Variants in KDM4A observed in about 807,000 individuals in gnomAD.
The protein encoded by KDM4A is lysine demethylase 4A, also known as lysine-specific demethylase 4A.
Under a neutral mutation model 127.1 loss-of-function variants are expected in KDM4A, and 23 were observed. That is an observed-to-expected ratio of 0.18 (90% CI 0.13 to 0.26). The LOEUF (loss-of-function observed/expected upper bound fraction) is 0.26, where lower values mean the gene tolerates loss of function less well. KDM4A is among the 10% of genes least tolerant of loss of function. The probability of loss-of-function intolerance (pLI) is 1.00; values close to 1 mark genes in which losing one functional copy is unlikely to be tolerated. For synonymous variants in KDM4A, 443 were observed against 466.5 expected (o/e 0.95, Z 0.65); for missense variants, 890 against 1,329.1 (o/e 0.67, Z 5.14).
At chr1:43,703,439 A>G in intron 19 of KDM4A, 178 bp from the exon 20 acceptor site, 1 of 601,660 alleles carries the variant, frequency 1.7e-6, no homozygotes, top group South Asian at 2.4e-5. Context: ...GAGGGCAGAG[A>G]TAGGGGCAGA....
At chr1:43,691,909 T>G (rs1661121249) in intron 15 of KDM4A, among the ~76,000 whole-genome samples, 1 of 152,238 alleles carries the variant, frequency 6.6e-6, no homozygotes, top group South Asian at 2.1e-4. Context: ...CTCTTCACTG[T>G]ACCCCCTGGA....
rs1161548613 is a variant in KDM4A, at chr1:43,666,627, G to T, written c.777+72G>T. 4.1e-6 allele frequency: 5 copies of T among 1,212,424 alleles called. No homozygotes were observed. In the African/African-American group the frequency reaches 6.0e-5, roughly 15 times the overall value. The allele number at this position is 1,212,424 out of a possible 1,614,324, so 75.1% of individuals were successfully genotyped here. A position where few individuals can be genotyped will look rare whatever the true frequency, so the allele number is the denominator to read the frequency against. The stretch of plus-strand genomic sequence containing the variant: ...GCCTTTGTTTTACAGTTTTATTCTA[G>T]TTCATCACTATACCAAGAGGGGGCC... On this transcript the variant is annotated intron_variant, in intron 7 of 21. Coordinates refer to ENST00000372396, the MANE Select transcript of KDM4A (RefSeq NM_014663.3).
At chr1:43,662,637 G>A (rs1416699553) in intron 4 of KDM4A, among the ~76,000 whole-genome samples, 1 of 152,262 alleles carries the variant, frequency 6.6e-6, no homozygotes, top group East Asian at 1.9e-4. Context: ...ACAGGTGACT[G>A]TCATCTCTTT....
At chr1:43,686,726 A>G (rs530954663) in intron 12 of KDM4A, among the ~76,000 whole-genome samples, 2 of 152,316 alleles carry the variant, frequency 1.3e-5, no homozygotes, top group East Asian at 1.9e-4. Flanking sequence ...GAACTCTAAT[A>G]TAAATCAAAC....
At chr1:43,678,334 G>A (rs1392150088) in intron 11 of KDM4A, among the ~76,000 whole-genome samples, 3 of 152,024 alleles carry the variant, frequency 2.0e-5, no homozygotes, top group Admixed American at 6.6e-5. Context: ...TCACAGTGTG[G>A]GGTGACAGGA....
intron 11 of KDM4A, among the ~76,000 whole-genome samples, chr1:43,679,662 C>T (rs774820747): frequency 1.3e-5 from 2 of 152,122 alleles, no homozygotes; most frequent in Non-Finnish European, 2.9e-5. Context: ...CTGACACTGC[C>T]GAAACTGTAG....
chr1:43,668,948 C>T (rs1046558734), intron 9 of KDM4A, 152 bp from the exon 10 acceptor site: 4 of 697,240 alleles, frequency 5.7e-6, no homozygotes, highest in Middle Eastern at 7.8e-4. Context: ...AGTCCCTTGT[C>T]TCAAGTCACA....
chr1:43,674,015 C>T (rs1210119093), intron 11 of KDM4A, among the ~76,000 whole-genome samples: 1 of 152,210 alleles, frequency 6.6e-6, no homozygotes, highest in Non-Finnish European at 1.5e-5. Flanking sequence ...AGTCTTGGCT[C>T]ACTGCAACTT....
In KDM4A at chr1:43,662,804, A is replaced by T. The variant is rs550672241; in HGVS notation, c.430-90A>T. ...ATTCCCAATGTTTGTCAGAGATGAC[A>T]GCTTACTTGTGACCTACTCTGATTT... On this transcript the variant is annotated intron_variant, in intron 4 of 21. Coordinates refer to ENST00000372396, the MANE Select transcript of KDM4A (RefSeq NM_014663.3). The T allele has an allele frequency of 2.6e-5, 28 of 1,077,922 alleles. No homozygotes were observed. In the South Asian group the frequency reaches 4.2e-4, roughly 16 times the overall value. 66.8% of individuals were successfully genotyped at this position (1,077,922 alleles called of 1,614,324 possible). A position where few individuals can be genotyped will look rare whatever the true frequency, so the allele number is the denominator to read the frequency against.
intron 13 of KDM4A, among the ~76,000 whole-genome samples, chr1:43,690,171 C>T (rs1475242316): frequency 6.6e-6 from 1 of 152,236 alleles, no homozygotes; most frequent in Non-Finnish European, 1.5e-5. Flanking sequence ...TGTGACAGTG[C>T]TGCAGTTCAG....
At chr1:43,652,035 G>T (rs571605274) in intron 1 of KDM4A, among the ~76,000 whole-genome samples, 1 of 152,324 alleles carries the variant, frequency 6.6e-6, no homozygotes, top group East Asian at 1.9e-4. Context: ...TTTAAATCAT[G>T]TTACTAATAT....
rs1331237140 is a variant in KDM4A, at chr1:43,688,961, G to A, written c.1903G>A (p.Ala635Thr). 1 of 1,614,178 alleles carries A rather than the reference G, an allele frequency of 6.2e-7. No individual in the cohort carries two copies. The highest frequency in any genetic ancestry group is 1.1e-5 in the South Asian group (1 of 91,084). The change falls in exon 13 of 22, where the codon GCC becomes ACC. Residue 635 changes from alanine to threonine, a missense_variant. Around this residue, in one of 7 missense-constraint regions of KDM4A, gnomAD observed 389 missense variants for 485.9 expected, o/e 0.80. Coordinates refer to ENST00000372396, the MANE Select transcript of KDM4A (RefSeq NM_014663.3). This position sits in a 1 kb window ranked among gnomAD's most constrained non-coding sequence, Gnocchi z 4.4. ...TPEEEAEETE[A>T]WAKPLSQLWQ... ...TGAGGAAGAGGCTGAGGAGACAGAG[G>A]CCTGGGCCAAGCCTCTGAGCCAACT...
In KDM4A at chr1:43,653,237, T is replaced by C; in HGVS notation, c.62T>C (p.Met21Thr). Residue 21 changes from methionine to threonine, a missense_variant, in exon 2 of 22, where the codon ATG (methionine) becomes ACG (threonine). Met to Thr is a moderately conservative substitution (Grantham distance 81). This residue lies in a region of KDM4A where 35 missense variants were observed against 27.7 expected (regional missense o/e 1.26). Coordinates refer to ENST00000372396, the MANE Select transcript of KDM4A (RefSeq NM_014663.3). Reference protein sequence around the residue: ...SARIMTFYPTMEEFRNFSRYI... With the variant: ...SARIMTFYPTTEEFRNFSRYI... ...AGGATAATGACCTTTTATCCAACTA[T>C]GGAAGAGTTCCGAAACTTCAGTAGA... 1 of 1,614,034 alleles carries C rather than the reference T, an allele frequency of 6.2e-7. No individual in the cohort carries two copies. The highest frequency in any genetic ancestry group is 8.5e-7 in the Non-Finnish European group (1 of 1,179,906).
chr1:43,674,558 C>T lies in KDM4A; in HGVS notation c.1734+2683C>T, dbSNP rs578133708. Among the ~76,000 whole-genome samples, 122 of 151,578 alleles carry T rather than the reference C, an allele frequency of 8.0e-4. 5 individuals are homozygous for T. In the South Asian group the frequency reaches 0.025, roughly 31 times the overall value. On this transcript the variant is annotated intron_variant, in intron 11 of 21. Coordinates refer to ENST00000372396, the MANE Select transcript of KDM4A (RefSeq NM_014663.3). ...GGGGGACTGAGTCTCGCTCTGTTGC[C>T]CAGGCTGGAGTGCAGTGGTGTAATC...
chr1:43,663,455 G>A (rs1020365581), intron 5 of KDM4A, among the ~76,000 whole-genome samples: 3 of 152,030 alleles, frequency 2.0e-5, no homozygotes, highest in Non-Finnish European at 2.9e-5. Flanking sequence ...CTTTCTTTTC[G>A]TCATGGAAAA....
chr1:43,662,521 T>C lies in KDM4A; in HGVS notation c.430-373T>C, dbSNP rs201309748. ...TGCGCGGGAGGCTGAAGCAGGGAAT[T>C]GCTTGAGCCCGGGAGGCGGAGGTTG... On this transcript the variant is annotated intron_variant, in intron 4 of 21. Transcript: ENST00000372396. Among the ~76,000 whole-genome samples the C allele has an allele frequency of 4.6e-5, 7 of 152,294 alleles. No individual in the cohort carries two copies. The East Asian group carries it at 1.3e-3, about 29-fold the overall frequency.
chr1:43,654,953 C>G (rs953181775), intron 2 of KDM4A, among the ~76,000 whole-genome samples: 2 of 151,866 alleles, frequency 1.3e-5, no homozygotes, highest in Non-Finnish European at 2.9e-5. Flanking sequence ...CGGGTTCAAG[C>G]GATTCTCCTG....
rs1219888569 is a variant in KDM4A at position 43,694,227 on chromosome 1, T to G, written c.2484+125T>G. ...GATTCTCACTCTGTGGTTAGATTCC[T>G]TAGTGGAGGCCAGGTGTGGTGGCTC... On this transcript the variant is annotated intron_variant, in intron 17 of 21. Coordinates refer to ENST00000372396, the MANE Select transcript of KDM4A (RefSeq NM_014663.3). This position sits in a 1 kb window ranked among gnomAD's most constrained non-coding sequence, Gnocchi z 5.2. 3 of 748,714 alleles carry G rather than the reference T, an allele frequency of 4.0e-6. No homozygotes were observed. In the African/African-American group the frequency reaches 5.3e-5, roughly 13 times the overall value. The allele number at this position is 748,714 out of a possible 1,614,324, so 46.4% of individuals were successfully genotyped here.
At chr1:43,663,343 C>T (rs1415684592) in intron 5 of KDM4A, among the ~76,000 whole-genome samples, 1 of 152,144 alleles carries the variant, frequency 6.6e-6, no homozygotes, top group Non-Finnish European at 1.5e-5. Context: ...GGGGCTCTTC[C>T]AGGCTATCCC....
Sources: allele counts gnomAD v4.1 joint callset (sites outside exome capture counted in the v4.1 genomes callset), GRCh38; gene constraint gnomAD v4.1.1; regional missense constraint gnomAD v4.1.1; non-coding constraint Gnocchi (gnomAD v3.1); transcripts MANE v1.5; gene names NCBI Gene and HGNC (gene_info 2026-07-23, HGNC 2026-07-21).